FAR2: variants seen among roughly 807,000 people sequenced by gnomAD.
FAR2 encodes the protein fatty acyl-CoA reductase 2, also known as epididymis secretory protein Li 81.
A neutral mutation model predicts 56.0 loss-of-function variants in FAR2; 19 were observed. The observed-to-expected ratio is 0.34, with a 90% CI of 0.24 to 0.50. FAR2 has a LOEUF of 0.50. Ranked by LOEUF, FAR2 falls within the 20% of genes least tolerant of loss-of-function variation. The pLI, the probability that FAR2 is intolerant of heterozygous loss-of-function variation, is 0.98. For missense variants in FAR2, 508 were observed against 642.2 expected, an observed-to-expected ratio of 0.79 and a Z score of 2.26; for synonymous variants, 219 against 218.8, an observed-to-expected ratio of 1.00 and a Z score of -0.01.
At chr12:29,200,611 G>C (rs1039906648) in intron 1 of FAR2, among the ~76,000 whole-genome samples, 6 of 152,204 alleles carry the variant, frequency 3.9e-5, no homozygotes, top group African/African-American at 1.4e-4. Flanking sequence ...TTGTTGGAAG[G>C]CTGAGAAGTT....
At chr12:29,165,215 C>A (rs1949814591) in intron 1 of FAR2, among the ~76,000 whole-genome samples, 1 of 152,028 alleles carries the variant, frequency 6.6e-6, no homozygotes, top group Non-Finnish European at 1.5e-5. Flanking sequence ...AGTTTGCAAC[C>A]ATTCAAGTTT....
intron 1 of FAR2, among the ~76,000 whole-genome samples, chr12:29,167,678 A>C (rs2136583518): frequency 6.6e-6 from 1 of 152,284 alleles, no homozygotes; most frequent in East Asian, 1.9e-4. Flanking sequence ...AGCTCTTCTG[A>C]TTAAGTAATG....
intron 2 of FAR2, among the ~76,000 whole-genome samples, chr12:29,284,568 G>A (rs904540005): frequency 6.6e-6 from 1 of 152,112 alleles, no homozygotes; most frequent in Admixed American, 6.5e-5. Context: ...AAATCACGCA[G>A]GGTTACACAC....
chr12:29,261,629 A>C (rs759927238), intron 1 of FAR2, among the ~76,000 whole-genome samples: 1 of 152,236 alleles, frequency 6.6e-6, no homozygotes, highest in Admixed American at 6.5e-5. Context: ...TATAATAATC[A>C]AACTCCCAAA....
chr12:29,171,922 G>C (rs1186362348), intron 1 of FAR2: 1 of 151,982 alleles, frequency 6.6e-6, no homozygotes, highest in Non-Finnish European at 1.5e-5. Context: ...CCTCTGCCCG[G>C]CCGCCAACCA....
intron 1 of FAR2, among the ~76,000 whole-genome samples, chr12:29,194,807 A>C (rs1357743592): frequency 6.6e-6 from 1 of 152,166 alleles, no homozygotes; most frequent in Non-Finnish European, 1.5e-5. Context: ...GTTGGACAGA[A>C]AGAGAAGATG....
intron 1 of FAR2, among the ~76,000 whole-genome samples, chr12:29,262,498 C>T (rs867268482): frequency 5.3e-5 from 8 of 151,978 alleles, no homozygotes; most frequent in Non-Finnish European, 1.0e-4. Flanking sequence ...GGCATGGTGG[C>T]GCACGCCTGT....
intron 1 of FAR2, among the ~76,000 whole-genome samples, chr12:29,225,798 T>A (rs1260930693): frequency 6.6e-6 from 1 of 152,218 alleles, no homozygotes; most frequent in Non-Finnish European, 1.5e-5. Flanking sequence ...AAGCCTCACC[T>A]TTTTTCAATT....
chr12:29,241,225 GC>G (rs1948029218), intron 1 of FAR2, among the ~76,000 whole-genome samples: 1 of 152,170 alleles, frequency 6.6e-6, no homozygotes, highest in African/African-American at 2.4e-5. Flanking sequence ...ATGTGTGGAT[GC>G]TTTTGTATGT....
At chr12:29,170,204 T>A (rs1033959700) in intron 1 of FAR2, among the ~76,000 whole-genome samples, 2 of 152,244 alleles carry the variant, frequency 1.3e-5, no homozygotes, top group African/African-American at 4.8e-5. Flanking sequence ...TGCAAGAGTT[T>A]CCTTATCATT....
chr12:29,175,446 G>A (rs1273080599), intron 1 of FAR2, among the ~76,000 whole-genome samples: 1 of 152,244 alleles, frequency 6.6e-6, no homozygotes, highest in African/African-American at 2.4e-5. Context: ...TAAAGGTGGT[G>A]TGGACCCAAA....
intron 1 of FAR2, among the ~76,000 whole-genome samples, chr12:29,174,430 T>A (rs940289574): frequency 4.9e-5 from 6 of 121,746 alleles, no homozygotes; most frequent in African/African-American, 1.7e-4. Flanking sequence ...ATTCTTTTTT[T>A]TTTTTTTTTT....
intron 2 of FAR2, among the ~76,000 whole-genome samples, chr12:29,273,966 G>A (rs1948661844): frequency 6.6e-6 from 1 of 152,190 alleles, no homozygotes; most frequent in East Asian, 1.9e-4. Context: ...GGTCACACCA[G>A]CCTTCTAGTC....
chr12:29,250,847 A>G (rs916624043), intron 1 of FAR2, among the ~76,000 whole-genome samples: 2 of 152,212 alleles, frequency 1.3e-5, no homozygotes, highest in African/African-American at 4.8e-5. Context: ...CCAGCATCCT[A>G]GAGGAGCTCT....
At chr12:29,168,223 G>T (rs540880143) in intron 1 of FAR2, among the ~76,000 whole-genome samples, 1 of 152,150 alleles carries the variant, frequency 6.6e-6, no homozygotes, top group African/African-American at 2.4e-5. Flanking sequence ...TAAAAGGGAA[G>T]CCTGCAATTA....
At chr12:29,267,465 C>T (rs11050163) in intron 1 of FAR2, among the ~76,000 whole-genome samples, 64,540 of 152,006 alleles carry the variant, frequency 0.42, 14,571 homozygotes, top group African/African-American at 0.59. Flanking sequence ...TGAGGTCACA[C>T]AGCTAATAAG....
At chr12:29,181,281 T>A (rs1949989626) in intron 1 of FAR2, among the ~76,000 whole-genome samples, 2 of 152,180 alleles carry the variant, frequency 1.3e-5, no homozygotes, top group Admixed American at 6.5e-5. Flanking sequence ...CTCCTTTGAG[T>A]CATTAAGGCT....
At chr12:29,173,033 TGCA>T (rs1949903435) in intron 1 of FAR2, among the ~76,000 whole-genome samples, 1 of 152,222 alleles carries the variant, frequency 6.6e-6, no homozygotes, top group African/African-American at 2.4e-5. Context: ...CAGCTAAAGC[TGCA>T]TTCTTTTAAC....
chr12:29,181,452 G>A (rs1190426740), intron 1 of FAR2, among the ~76,000 whole-genome samples: 1 of 152,120 alleles, frequency 6.6e-6, no homozygotes, highest in Non-Finnish European at 1.5e-5. Flanking sequence ...CAAAACAACA[G>A]CAATGACAAC....
Sources: allele counts gnomAD v4.1 joint callset (sites outside exome capture counted in the v4.1 genomes callset), GRCh38; gene constraint gnomAD v4.1.1; transcripts MANE v1.5; gene names NCBI Gene and HGNC (gene_info 2026-07-23, HGNC 2026-07-21).